The following ARL13B variants were observed in gnomAD, a reference collection of about 807,000 sequenced individuals.
The protein encoded by ARL13B is ADP-ribosylation factor-like protein 13B.
A neutral mutation model predicts 56.1 loss-of-function variants in ARL13B; 36 were observed. That is an observed-to-expected ratio of 0.64 (90% CI 0.49 to 0.85). The LOEUF is 0.85. Ranked by LOEUF, ARL13B falls within the 40% of genes least tolerant of loss-of-function variation. The pLI, the probability that ARL13B is intolerant of heterozygous loss-of-function variation, is 0.00. For missense variants in ARL13B, 519 were observed against 507.1 expected (o/e 1.02, Z -0.23); for synonymous variants, 178 against 171.1 (o/e 1.04, Z -0.32).
intron 3 of ARL13B, among the ~76,000 whole-genome samples, chr3:94,026,094 A>G (rs988996274): frequency 6.8e-6 from 1 of 147,178 alleles, no homozygotes; most frequent in Non-Finnish European, 1.5e-5. Context: ...ATCTCGGCTC[A>G]CTGCAAGCTC....
At chr3:94,029,348 TA>T (rs1401781444) in intron 3 of ARL13B, among the ~76,000 whole-genome samples, 2,572 of 70,738 alleles carry the variant, frequency 0.036, 156 homozygotes, top group Non-Finnish European at 0.043. Context: ...ATTTTTTTTT[TA>T]TTTTTTTTTT....
intron 3 of ARL13B, 107 bp downstream of exon 3, chr3:94,004,015 A>G (rs2076094643): frequency 4.6e-6 from 7 of 1,509,274 alleles, no homozygotes; most frequent in South Asian, 4.6e-5. Flanking sequence ...ACGCTTTAGT[A>G]TACTAAAATG....
chr3:94,047,688 G>A (rs2077004106), intron 7 of ARL13B: 1 of 152,096 alleles, frequency 6.6e-6, no homozygotes, highest in Non-Finnish European at 1.5e-5. Context: ...TGAGACCCCA[G>A]TCCAGATCAT....
At chr3:93,990,788 T>C (rs947994494) in intron 1 of ARL13B, among the ~76,000 whole-genome samples, 3 of 152,210 alleles carry the variant, frequency 2.0e-5, no homozygotes, top group African/African-American at 7.2e-5. Flanking sequence ...CAACTCATAA[T>C]GTGATTGGTA....
chr3:94,010,147 G>A (rs1261829849), intron 3 of ARL13B, among the ~76,000 whole-genome samples: 1 of 152,060 alleles, frequency 6.6e-6, no homozygotes, highest in Non-Finnish European at 1.5e-5. Context: ...AAAGTGTTAA[G>A]TCAGAAAGGC....
At chr3:93,994,912 C>G (rs2075939742) in intron 1 of ARL13B, among the ~76,000 whole-genome samples, 1 of 152,052 alleles carries the variant, frequency 6.6e-6, no homozygotes, top group Non-Finnish European at 1.5e-5. Context: ...TTCAGCCCTC[C>G]ATGGGATGAT....
intron 3 of ARL13B, among the ~76,000 whole-genome samples, chr3:94,023,129 T>G (rs148102308): frequency 1.3e-5 from 2 of 152,222 alleles, no homozygotes; most frequent in African/African-American, 4.8e-5. Context: ...ATAGCTCCTT[T>G]TCAAAACATA....
chr3:94,043,468 C>G (rs952834630), intron 7 of ARL13B, among the ~76,000 whole-genome samples: 1 of 148,794 alleles, frequency 6.7e-6, no homozygotes, highest in Non-Finnish European at 1.5e-5. Flanking sequence ...AGGATTTCAG[C>G]AGAAAATTCC....
intron 1 of ARL13B, among the ~76,000 whole-genome samples, chr3:93,987,555 A>G (rs1425325704): frequency 6.6e-6 from 1 of 151,932 alleles, no homozygotes; most frequent in Non-Finnish European, 1.5e-5. Flanking sequence ...TTTCTTTTGT[A>G]ATGGAGATTT....
chr3:94,036,504 T>G (rs2076770116), intron 4 of ARL13B, 48 bp from the exon 5 acceptor site: 1 of 1,575,762 alleles, frequency 6.3e-7, no homozygotes, highest in Non-Finnish European at 8.7e-7. Context: ...ATGAATAGAT[T>G]TGTGTGGAGA....
At chr3:93,998,651 C>A (rs1463306548) in intron 2 of ARL13B, among the ~76,000 whole-genome samples, 1 of 152,012 alleles carries the variant, frequency 6.6e-6, no homozygotes, top group African/African-American at 2.4e-5. Flanking sequence ...TTATAAAGTC[C>A]TTTTTAATTC....
intron 1 of ARL13B, among the ~76,000 whole-genome samples, chr3:93,988,018 C>G (rs1710552126): frequency 6.6e-6 from 1 of 152,032 alleles, no homozygotes; most frequent in South Asian, 2.1e-4. Context: ...AGAGGATTAT[C>G]AAGAGCCAGT....
chr3:93,986,566 ATGTAGTTTTAAATAC>A (rs1710474071), intron 1 of ARL13B, among the ~76,000 whole-genome samples: 2 of 152,144 alleles, frequency 1.3e-5, no homozygotes, highest in South Asian at 4.1e-4. Context: ...AATTTGCTTC[ATGTAGTTTTAAATAC>A]TGTAGATAAT....
chr3:94,029,338 A>ATATATATAT (rs2076626952), intron 3 of ARL13B, among the ~76,000 whole-genome samples: 1 of 59,028 alleles, frequency 1.7e-5, no homozygotes, highest in African/African-American at 6.6e-5. Flanking sequence ...ATATATATTT[A>ATATATATAT]TTTTTTTTTT....
At chr3:94,002,806 C>G (rs1318228093) in intron 2 of ARL13B, among the ~76,000 whole-genome samples, 1 of 152,074 alleles carries the variant, frequency 6.6e-6, no homozygotes, top group Non-Finnish European at 1.5e-5. Flanking sequence ...CTTCAGAACC[C>G]TCTTCTATTT....
intron 7 of ARL13B, among the ~76,000 whole-genome samples, chr3:94,043,505 C>A (rs140636715): frequency 7.2e-6 from 1 of 138,002 alleles, no homozygotes; most frequent in African/African-American, 2.7e-5. Flanking sequence ...ATTTGGGATA[C>A]AGCATAGCTC....
intron 3 of ARL13B, among the ~76,000 whole-genome samples, chr3:94,031,418 G>A (rs568724798): frequency 8.2e-4 from 124 of 151,954 alleles, no homozygotes; most frequent in Non-Finnish European, 1.3e-3. Context: ...CCACTGAAAA[G>A]ATCAAGGCTT....
rs1016476537 is a variant in ARL13B, at chr3:94,003,927, A to T, written c.380+19A>T. The stretch of plus-strand genomic sequence containing the variant: ...TATTGGTGTAAGTAATGTTAGCATC[A>T]TTGTAAATGTAGGGACGATGGCATT... On this transcript the variant is annotated intron_variant, in intron 3 of 9. Transcript: ENST00000394222. 1.9e-6 allele frequency: 3 copies of T among 1,612,896 alleles called. No homozygotes were observed. In the African/African-American group the frequency reaches 4.0e-5, roughly 21 times the overall value.
At chr3:94,043,544 TC>T (rs1286219210) in intron 7 of ARL13B, among the ~76,000 whole-genome samples, 22 of 242 alleles carry the variant, frequency 0.091, no homozygotes, top group Non-Finnish European at 0.13. Flanking sequence ...GCCCTCCCCC[TC>T]CTCCCCCTCC....
Sources: gnomAD v4.1 joint callset for allele counts (sites outside exome capture counted in the v4.1 genomes callset) on GRCh38, gnomAD v4.1.1 for gene constraint, MANE v1.5 for transcripts, NCBI Gene and HGNC (gene_info 2026-07-23, HGNC 2026-07-21) for gene names.